The following PRELID2 variants were observed in gnomAD, a reference collection of about 807,000 sequenced individuals.
PRELID2 encodes the protein PRELI domain-containing protein 2.
In PRELID2, 25 loss-of-function variants were observed where a neutral mutation model predicts 28.4. That is an observed-to-expected ratio of 0.88 (90% CI 0.64 to 1.23). The LOEUF (loss-of-function observed/expected upper bound fraction) is 1.23. Among genes scored for constraint, PRELID2 ranks in the 50% most tolerant of loss-of-function variants. The pLI, the probability that PRELID2 is intolerant of heterozygous loss-of-function variation, is 0.00. For synonymous variants in PRELID2, 76 were observed against 71.6 expected (o/e 1.06, Z -0.31); for missense variants, 201 against 214.4 (o/e 0.94, Z 0.39).
rs796740796 is a variant in PRELID2, at chr5:145,724,624, T to A, written n.70+40307A>T. Among the ~76,000 whole-genome samples the A allele has an allele frequency of 7.5e-4, 54 of 72,254 alleles. 4 individuals carry two copies. The South Asian group carries it at 0.011, about 14-fold the overall frequency. 47.4% of individuals were successfully genotyped at this position (72,254 alleles called of 152,430 possible). On this transcript the variant is annotated intron_variant and non_coding_transcript_variant, in intron 1 of 2. Transcript: ENST00000510259. ...AAATATATATATATATATATATATATATATATATATATATATATATATAAT... is the reference window on the plus strand; with the variant it reads ...AAATATATATATATATATATATATAAATATATATATATATATATATATAAT...
At chr5:145,262,520 TG>T in the PRELID2 span, among the ~76,000 whole-genome samples, 1 of 152,128 alleles carries the variant, frequency 6.6e-6, no homozygotes, top group African/African-American at 2.4e-5. Context: ...TAGAAGGGAT[TG>T]GGGTCCTATC....
chr5:145,405,934 TA>T, the PRELID2 span, among the ~76,000 whole-genome samples: 7 of 151,952 alleles, frequency 4.6e-5, no homozygotes, highest in Non-Finnish European at 1.0e-4. Flanking sequence ...CTCAATCTCC[TA>T]ACCTTGTGAT....
At chr5:145,790,612 A>G (rs1006708453) in intron 5 of PRELID2, among the ~76,000 whole-genome samples, 18 of 151,540 alleles carry the variant, frequency 1.2e-4, no homozygotes, top group African/African-American at 4.4e-4. Flanking sequence ...CAAAATTGCT[A>G]AGAGTAAACT....
Position 145,803,461 on chromosome 5 carries a change from C to T in PRELID2, c.369-6914G>A, listed in dbSNP as rs1233642966. 3.9e-5 allele frequency among the ~76,000 whole-genome samples: 6 copies of T among 152,138 alleles called. No homozygotes were observed. The South Asian group carries it at 6.2e-4, about 16-fold the overall frequency. On this transcript the variant is annotated intron_variant, in intron 4 of 6. Coordinates refer to ENST00000683046, the MANE Select transcript of PRELID2 (RefSeq NM_205846.3). Reference sequence around the variant, plus strand: ...GCCTTTAAGACAGGGAACGAAGGCGCGGCTCCTGGAATTAGACCATTTACA... The same window carrying T: ...GCCTTTAAGACAGGGAACGAAGGCGTGGCTCCTGGAATTAGACCATTTACA...
At chr5:145,606,004 T>C (rs911492669) in intron 1 of PRELID2, among the ~76,000 whole-genome samples, 1 of 152,104 alleles carries the variant, frequency 6.6e-6, no homozygotes, top group Admixed American at 6.6e-5. Flanking sequence ...GCTGTATTCC[T>C]AGGTATTTTA....
intron 1 of PRELID2, among the ~76,000 whole-genome samples, chr5:145,731,667 G>A (rs1013028756): frequency 9.9e-5 from 15 of 152,160 alleles, no homozygotes; most frequent in Non-Finnish European, 1.9e-4. Flanking sequence ...ATGAGAAGTT[G>A]TCAAATTTAG....
chr5:145,267,203 G>A, the PRELID2 span, among the ~76,000 whole-genome samples: 14 of 152,232 alleles, frequency 9.2e-5, no homozygotes, highest in Non-Finnish European at 1.8e-4. Flanking sequence ...GGATAGGGCA[G>A]TCTAACCTTT....
the PRELID2 span, among the ~76,000 whole-genome samples, chr5:145,443,239 T>A: frequency 6.6e-6 from 1 of 152,096 alleles, no homozygotes; most frequent in Non-Finnish European, 1.5e-5. Context: ...ATCAGGTGCA[T>A]TTCATCTTTT....
At chr5:145,657,691 A>T (rs1280283414) in intron 1 of PRELID2, among the ~76,000 whole-genome samples, 1 of 151,834 alleles carries the variant, frequency 6.6e-6, no homozygotes, top group Non-Finnish European at 1.5e-5. Flanking sequence ...TCTCAAAAAA[A>T]AGAAAGAAAG....
chr5:145,807,845 G>T (rs928347778), intron 4 of PRELID2, among the ~76,000 whole-genome samples: 2 of 152,072 alleles, frequency 1.3e-5, no homozygotes, highest in Non-Finnish European at 2.9e-5. Context: ...ACATACAGGG[G>T]ATACAGTGGT....
At chr5:145,770,911 C>A (rs1291666883) in intron 5 of PRELID2, among the ~76,000 whole-genome samples, 1 of 151,820 alleles carries the variant, frequency 6.6e-6, no homozygotes, top group African/African-American at 2.4e-5. Flanking sequence ...GTTAAAGCAA[C>A]CTAAGGTTAT....
intron 1 of PRELID2, among the ~76,000 whole-genome samples, chr5:145,700,371 T>A (rs576651423): frequency 6.6e-6 from 1 of 152,262 alleles, no homozygotes; most frequent in East Asian, 1.9e-4. Flanking sequence ...CAACTTACTT[T>A]CCTAAATCCC....
chr5:145,583,451 C>A (rs1407783722), intron 1 of PRELID2, among the ~76,000 whole-genome samples: 1 of 151,940 alleles, frequency 6.6e-6, no homozygotes, highest in African/African-American at 2.4e-5. Flanking sequence ...GGCAATTAGG[C>A]AAGAAAAAGA....
intron 1 of PRELID2, among the ~76,000 whole-genome samples, chr5:145,629,132 C>T (rs1476189225): frequency 1.3e-5 from 2 of 152,166 alleles, no homozygotes; most frequent in African/African-American, 4.8e-5. Flanking sequence ...GTTCAATAGA[C>T]AAGGGGAGCT....
chr5:145,398,748 G>A, the PRELID2 span, among the ~76,000 whole-genome samples: 13 of 151,998 alleles, frequency 8.6e-5, no homozygotes, highest in African/African-American at 3.1e-4. Context: ...GAGTAAACGA[G>A]GACATTTCAG....
intron 5 of PRELID2, among the ~76,000 whole-genome samples, chr5:145,781,570 G>C (rs767153703): frequency 1.3e-5 from 2 of 148,396 alleles, no homozygotes; most frequent in Non-Finnish European, 3.0e-5. Context: ...TTTTATATAT[G>C]TATGTGTGTG....
chr5:145,578,415 G>A (rs1014958518), intron 1 of PRELID2, among the ~76,000 whole-genome samples: 1 of 152,072 alleles, frequency 6.6e-6, no homozygotes, highest in African/African-American at 2.4e-5. Flanking sequence ...CAGCATTTCA[G>A]GCATGCTCAG....
At chr5:145,248,653 TGGGC>T in the PRELID2 span, among the ~76,000 whole-genome samples, 30 of 152,092 alleles carry the variant, frequency 2.0e-4, no homozygotes, top group African/African-American at 7.2e-4. Context: ...AAAAATTAGC[TGGGC>T]ATGGTGGTGC....
At chr5:145,776,391 G>A (rs1251706201) in intron 5 of PRELID2, among the ~76,000 whole-genome samples, 1 of 152,122 alleles carries the variant, frequency 6.6e-6, no homozygotes, top group East Asian at 1.9e-4. Context: ...TAGTGATGCT[G>A]ACAATTCAGA....
Sources: allele counts gnomAD v4.1 joint callset (sites outside exome capture counted in the v4.1 genomes callset), GRCh38; gene constraint gnomAD v4.1.1; transcripts MANE v1.5; gene names NCBI Gene and HGNC (gene_info 2026-07-23, HGNC 2026-07-21).